MAP2K1: variants seen among roughly 807,000 people sequenced by gnomAD.
MAP2K1 encodes the protein mitogen-activated protein kinase kinase 1.
In MAP2K1, 16 loss-of-function variants were observed where a neutral mutation model predicts 46.3. That is an observed-to-expected ratio of 0.35 (90% CI 0.23 to 0.52). MAP2K1 has a LOEUF of 0.52. Among genes scored for constraint, MAP2K1 ranks in the 20% least tolerant of loss-of-function variants. The pLI, the probability that MAP2K1 is intolerant of heterozygous loss-of-function variation, is 0.94. For synonymous variants in MAP2K1, 183 were observed against 185.6 expected (o/e 0.99, Z 0.11); for missense variants, 263 against 497.1 (o/e 0.53, Z 4.48).
At chr15:66,446,642 C>G (rs1567013126) in intron 5 of MAP2K1, 5 of 385,374 alleles carry the variant, frequency 1.3e-5, no homozygotes, top group Non-Finnish European at 2.8e-5. Context: ...TATACATAAG[C>G]ACATCTCTTG....
intron 3 of MAP2K1, 103 bp downstream of exon 3, chr15:66,436,995 C>T: frequency 8.3e-7 from 1 of 1,208,060 alleles, no homozygotes; most frequent in Non-Finnish European, 1.2e-6. Flanking sequence ...CCTGCTGCTC[C>T]TGGGATCCAC....
intron 1 of MAP2K1, among the ~76,000 whole-genome samples, chr15:66,432,019 G>C (rs1343314421): frequency 6.6e-6 from 1 of 152,186 alleles, no homozygotes; most frequent in Non-Finnish European, 1.5e-5. Context: ...CGCAAAGGAC[G>C]TGATCTCGTT....
At chr15:66,408,888 G>T (rs1219111582) in intron 1 of MAP2K1, among the ~76,000 whole-genome samples, 2 of 152,060 alleles carry the variant, frequency 1.3e-5, no homozygotes, top group Admixed American at 1.3e-4. Context: ...CCACCCTCCG[G>T]AGCACTCTGT....
At chr15:66,487,361 G>A (rs1039517698) in intron 8 of MAP2K1, 69 bp downstream of exon 8, 16 of 1,429,946 alleles carry the variant, frequency 1.1e-5, no homozygotes, top group East Asian at 4.6e-5. Context: ...CCAGGTGGCC[G>A]GGTGCAGTGG....
intron 1 of MAP2K1, among the ~76,000 whole-genome samples, chr15:66,411,150 C>A (rs891742828): frequency 6.6e-6 from 1 of 151,776 alleles, no homozygotes; most frequent in African/African-American, 2.4e-5. Flanking sequence ...TGGTTGGAGA[C>A]CCCAGATGGG....
chr15:66,448,162 A>C (rs201001981), intron 5 of MAP2K1, among the ~76,000 whole-genome samples: 20,095 of 148,744 alleles, frequency 0.14, 1,494 homozygotes, highest in Non-Finnish European at 0.15. Flanking sequence ...CAAAAAAAAA[A>C]AAAAAAAAAA....
intron 5 of MAP2K1, among the ~76,000 whole-genome samples, chr15:66,447,340 G>T (rs1241145068): frequency 6.6e-6 from 1 of 152,036 alleles, no homozygotes; most frequent in Non-Finnish European, 1.5e-5. Flanking sequence ...GCAAGTGTTG[G>T]AGGGTGGTTC....
In MAP2K1 at chr15:66,485,106, G is replaced by A. The variant is rs745891583; in HGVS notation, c.810G>A (p.Glu270=). Residue 270 remains glutamate, a synonymous_variant, in exon 7 of 11, where the codon GAG becomes GAA. Coordinates refer to ENST00000307102, the MANE Select transcript of MAP2K1 (RefSeq NM_002755.4). ...RYPIPPPDAK[E]LELMFGCQVE... ...CCATCCCTCCTCCAGATGCCAAGGA[G>A]CTGGAGCTGATGTTTGGGTGCCAGG... 10 of 1,613,958 alleles carry A rather than the reference G, an allele frequency of 6.2e-6. No homozygotes were observed. The highest frequency in any genetic ancestry group is 7.6e-6 in the Non-Finnish European group (9 of 1,180,032).
intron 1 of MAP2K1, among the ~76,000 whole-genome samples, chr15:66,416,808 C>G (rs956310544): frequency 6.6e-6 from 1 of 152,162 alleles, no homozygotes; most frequent in Non-Finnish European, 1.5e-5. Flanking sequence ...TACAGCAATA[C>G]AGGTAACTTA....
At chr15:66,468,178 TTAG>T in intron 5 of MAP2K1, among the ~76,000 whole-genome samples, 1 of 152,360 alleles carries the variant, frequency 6.6e-6, no homozygotes, top group East Asian at 1.9e-4. Flanking sequence ...TTTATATTTT[TTAG>T]TAGTAAATCA....
chr15:66,490,228 C>A (rs1567028091), intron 10 of MAP2K1: 1 of 589,004 alleles, frequency 1.7e-6, no homozygotes, highest in South Asian at 1.8e-5. Flanking sequence ...TCCCTTCTAA[C>A]AAGCCTGTGA....
chr15:66,464,704 T>C (rs1892417612), intron 5 of MAP2K1, among the ~76,000 whole-genome samples: 1 of 151,542 alleles, frequency 6.6e-6, no homozygotes, highest in Non-Finnish European at 1.5e-5. Flanking sequence ...TTTGTATTTT[T>C]AGTAGAGACA....
intron 1 of MAP2K1, among the ~76,000 whole-genome samples, chr15:66,407,263 A>G (rs2093399787): frequency 6.6e-6 from 1 of 152,220 alleles, no homozygotes; most frequent in South Asian, 2.1e-4. Context: ...TTTGGGGGCC[A>G]GCAGTGCAGT....
Position 66,420,717 on chromosome 15 carries a change from ATATATGTGTGTG to A in MAP2K1, c.81-14308_81-14297del, listed in dbSNP as rs1353975191. Among the ~76,000 whole-genome samples the A allele has an allele frequency of 3.7e-4, 12 of 32,808 alleles. 2 individuals carry two copies. The East Asian group carries it at 5.3e-3, about 15-fold the overall frequency. 21.5% of individuals were successfully genotyped at this position (32,808 alleles called of 152,430 possible). A position where few individuals can be genotyped will look rare whatever the true frequency, so the allele number is the denominator to read the frequency against. On this transcript the variant is annotated intron_variant, in intron 1 of 10. Transcript: ENST00000307102. ...ATACTTACTCTTGGCATATATATAT[ATATATGTGTGTG>A]TGTGTGTGTGTGTGTGTGTGTGTGT...
At chr15:66,474,914 A>G (rs1449088614) in intron 5 of MAP2K1, among the ~76,000 whole-genome samples, 2 of 152,024 alleles carry the variant, frequency 1.3e-5, no homozygotes, top group Non-Finnish European at 2.9e-5. Context: ...AAAAAAAAAA[A>G]AAAAGTATAT....
intron 1 of MAP2K1, among the ~76,000 whole-genome samples, chr15:66,431,374 C>T (rs1413281572): frequency 6.6e-6 from 1 of 152,084 alleles, no homozygotes; most frequent in East Asian, 1.9e-4. Context: ...TTATTGATAT[C>T]TTTTTAATGA....
At chr15:66,427,014 T>C (rs2093460985) in intron 1 of MAP2K1, among the ~76,000 whole-genome samples, 1 of 152,216 alleles carries the variant, frequency 6.6e-6, no homozygotes, top group Non-Finnish European at 1.5e-5. Flanking sequence ...TTGTTTTTCC[T>C]TTGAGAATAA....
chr15:66,398,480 A>C (rs2140523230), intron 1 of MAP2K1, among the ~76,000 whole-genome samples: 1 of 151,414 alleles, frequency 6.6e-6, no homozygotes, highest in Middle Eastern at 3.5e-3. Context: ...GACTAAGGAG[A>C]CATACAGATC....
intron 5 of MAP2K1, among the ~76,000 whole-genome samples, chr15:66,470,955 C>T (rs938090544): frequency 3.3e-5 from 5 of 152,154 alleles, no homozygotes; most frequent in African/African-American, 7.2e-5. Context: ...CTGTTGGGAA[C>T]GGCAGGACAA....
Sources: allele counts gnomAD v4.1 joint callset (sites outside exome capture counted in the v4.1 genomes callset), GRCh38; gene constraint gnomAD v4.1.1; transcripts MANE v1.5; gene names NCBI Gene and HGNC (gene_info 2026-07-23, HGNC 2026-07-21).